Variants in IL10RB observed in about 807,000 individuals in gnomAD.
The protein encoded by IL10RB is interleukin-10 receptor subunit beta.
IL10RB carries 30 observed loss-of-function variants against 38.7 expected under a neutral mutation model. The ratio of observed to expected loss-of-function variants is 0.78; its 90% CI spans 0.58 to 1.05. The LOEUF (loss-of-function observed/expected upper bound fraction) is 1.05, where lower values mean the gene tolerates loss of function less well. Among genes scored for constraint, IL10RB ranks in the 50% least tolerant of loss-of-function variants. The pLI, the probability that IL10RB is intolerant of heterozygous loss-of-function variation, is 0.00. For synonymous variants in IL10RB, 142 were observed against 145.9 expected (o/e 0.97, Z 0.19); for missense variants, 328 against 397.1 (o/e 0.83, Z 1.48).
chr21:33,305,709 A>G (rs978396266), intron 1 of IL10RB, among the ~76,000 whole-genome samples: 1 of 152,194 alleles, frequency 6.6e-6, no homozygotes, highest in Non-Finnish European at 1.5e-5. Context: ...CCACTAATGG[A>G]GACCCTGCAG....
intron 1 of IL10RB, among the ~76,000 whole-genome samples, chr21:33,302,246 C>G (rs969782361): frequency 6.6e-6 from 1 of 152,244 alleles, no homozygotes; most frequent in African/African-American, 2.4e-5. Context: ...GGTGGACTTT[C>G]AGCGATTCCC....
At chr21:33,305,137 G>C (rs2082995827) in intron 1 of IL10RB, among the ~76,000 whole-genome samples, 1 of 152,094 alleles carries the variant, frequency 6.6e-6, no homozygotes, top group Non-Finnish European at 1.5e-5. Context: ...TTTTGAGATA[G>C]AGTCTTCCTC....
intron 4 of IL10RB, among the ~76,000 whole-genome samples, chr21:33,280,725 C>T (rs1436800381): frequency 6.6e-6 from 1 of 152,180 alleles, no homozygotes; most frequent in Non-Finnish European, 1.5e-5. Flanking sequence ...TGTCATATTA[C>T]ATATATGTTA....
At chr21:33,273,188 T>A (rs976057072) in intron 2 of IL10RB, among the ~76,000 whole-genome samples, 1 of 152,252 alleles carries the variant, frequency 6.6e-6, no homozygotes, top group Non-Finnish European at 1.5e-5. Flanking sequence ...CTGTACAGCA[T>A]GTTACTGTAC....
In IL10RB at chr21:33,296,872, C is replaced by T. The variant is rs767017864; in HGVS notation, c.*515C>T. The T allele has an allele frequency of 2.0e-5, 5 of 251,662 alleles. No individual in the cohort carries two copies. Among genetic ancestry groups the T allele is most frequent in the Non-Finnish European group, 3.9e-5 (5 of 127,310 alleles). 15.6% of individuals were successfully genotyped at this position (251,662 alleles called of 1,614,324 possible). A position where few individuals can be genotyped will look rare whatever the true frequency, so the allele number is the denominator to read the frequency against. ...CTGAGGCAGGAGAATTGCATGAACCCGGGAGGAGGAGGAGGAGGTTGCAGT... is the reference window on the plus strand; with the variant it reads ...CTGAGGCAGGAGAATTGCATGAACCTGGGAGGAGGAGGAGGAGGTTGCAGT... On this transcript the variant is annotated 3_prime_UTR_variant, in exon 7 of 7. Coordinates refer to ENST00000290200, the MANE Select transcript of IL10RB (RefSeq NM_000628.5).
intron 2 of IL10RB, among the ~76,000 whole-genome samples, chr21:33,270,723 G>A (rs2123564875): frequency 1.4e-5 from 2 of 148,026 alleles, no homozygotes; most frequent in Middle Eastern, 3.7e-3. Flanking sequence ...CACCAAGGCT[G>A]GAGTGCAGTG....
chr21:33,271,902 G>T (rs1358806089), intron 2 of IL10RB, among the ~76,000 whole-genome samples: 1 of 152,016 alleles, frequency 6.6e-6, no homozygotes, highest in Non-Finnish European at 1.5e-5. Flanking sequence ...GACCAGCCTG[G>T]GCAACATAGC....
At chr21:33,281,623 C>T (rs1470518605) in intron 4 of IL10RB, among the ~76,000 whole-genome samples, 1 of 152,138 alleles carries the variant, frequency 6.6e-6, no homozygotes, top group African/African-American at 2.4e-5. Context: ...TCTGTCGTTG[C>T]CCAGGCTGGA....
chr21:33,295,088 G>A (rs763677705), intron 6 of IL10RB, among the ~76,000 whole-genome samples: 12 of 152,220 alleles, frequency 7.9e-5, no homozygotes, highest in African/African-American at 2.7e-4. Flanking sequence ...AGATTGGGCC[G>A]GGTGCGGTGG....
At chr21:33,267,813 G>T (rs1988998112) in intron 1 of IL10RB, 1 of 164,522 alleles carries the variant, frequency 6.1e-6, no homozygotes. Context: ...ACCATGCCTG[G>T]CCAGGTTTCG....
chr21:33,270,598 T>G (rs1472185291), intron 2 of IL10RB, among the ~76,000 whole-genome samples: 1 of 151,846 alleles, frequency 6.6e-6, no homozygotes, highest in Non-Finnish European at 1.5e-5. Context: ...ATGGTCTTGA[T>G]CTCCTGACCT....
intron 6 of IL10RB, among the ~76,000 whole-genome samples, chr21:33,292,326 C>T (rs796441873): frequency 9.2e-5 from 14 of 152,334 alleles, no homozygotes; most frequent in African/African-American, 3.4e-4. Flanking sequence ...AGTGCAGCAG[C>T]GGGCCACTTT....
At chr21:33,295,451 C>T (rs1267242403) in intron 6 of IL10RB, among the ~76,000 whole-genome samples, 4 of 150,954 alleles carry the variant, frequency 2.6e-5, no homozygotes, top group African/African-American at 9.7e-5. Flanking sequence ...ACAGGTTGAT[C>T]ACCTGAGATC....
intron 2 of IL10RB, among the ~76,000 whole-genome samples, chr21:33,271,974 G>A (rs1441631182): frequency 6.6e-6 from 1 of 151,848 alleles, no homozygotes; most frequent in East Asian, 1.9e-4. Context: ...AAGAAGGAAG[G>A]CGGAAGGGAA....
intron 5 of IL10RB, among the ~76,000 whole-genome samples, chr21:33,287,769 A>T (rs1300329446): frequency 1.3e-5 from 2 of 152,120 alleles, no homozygotes; most frequent in African/African-American, 4.8e-5. Context: ...TGTCCAGGGG[A>T]GTATCACTTG....
intron 2 of IL10RB, among the ~76,000 whole-genome samples, chr21:33,269,134 G>A (rs557733893): frequency 6.6e-6 from 1 of 152,322 alleles, no homozygotes; most frequent in South Asian, 2.1e-4. Context: ...CCCATTCTCG[G>A]ACAACAGCAG....
At chr21:33,304,167 C>T (rs773441244) in intron 1 of IL10RB, among the ~76,000 whole-genome samples, 3 of 152,230 alleles carry the variant, frequency 2.0e-5, no homozygotes, top group Non-Finnish European at 2.9e-5. Flanking sequence ...ATTTCTGCCA[C>T]GGCGGGGACA....
At chr21:33,288,536 A>C (rs1381064912) in intron 6 of IL10RB, among the ~76,000 whole-genome samples, 1 of 151,922 alleles carries the variant, frequency 6.6e-6, no homozygotes, top group African/African-American at 2.4e-5. Context: ...TCCAGCCTTC[A>C]CTGCCCAAAG....
At chr21:33,307,602 G>A (rs2083001891) in intron 1 of IL10RB, among the ~76,000 whole-genome samples, 25 of 152,172 alleles carry the variant, frequency 1.6e-4, no homozygotes, top group Admixed American at 1.4e-3. Context: ...GCCCTTTCAC[G>A]GAACAGCCTG....
Sources: allele counts gnomAD v4.1 joint callset (sites outside exome capture counted in the v4.1 genomes callset), GRCh38; gene constraint gnomAD v4.1.1; transcripts MANE v1.5; gene names NCBI Gene and HGNC (gene_info 2026-07-23, HGNC 2026-07-21).